The following NRXN1 variants were observed in gnomAD, a reference collection of about 807,000 sequenced individuals.
NRXN1 encodes the protein neurexin 1.
In NRXN1, 39 loss-of-function variants were observed where a neutral mutation model predicts 150.9. That is an observed-to-expected ratio of 0.26 (90% CI 0.20 to 0.34). The LOEUF is 0.34. Among genes scored for constraint, NRXN1 ranks in the 10% least tolerant of loss-of-function variants. The pLI is 1.00. For missense variants in NRXN1, 1,815 were observed against 1,949.9 expected, an observed-to-expected ratio of 0.93 and a Z score of 1.30; for synonymous variants, 924 against 757.0, an observed-to-expected ratio of 1.22 and a Z score of -3.62.
At chr2:50,099,731 A>T (rs1700750096) in intron 18 of NRXN1, among the ~76,000 whole-genome samples, 1 of 152,172 alleles carries the variant, frequency 6.6e-6, no homozygotes, top group Non-Finnish European at 1.5e-5. Context: ...TAATGATTAC[A>T]ACTTGTGAAG....
At position 50,111,343 on chromosome 2, in the gene NRXN1, T is replaced by C. The variant is rs766479368; in HGVS notation, c.3547-19849A>G. Among the ~76,000 whole-genome samples, 8 of 152,142 alleles carry C rather than the reference T, an allele frequency of 5.3e-5. 1 individual carries two copies. Among genetic ancestry groups the C allele is most frequent in the African/African-American group, 9.7e-5 (4 of 41,426 alleles). On this transcript the variant is annotated intron_variant, in intron 18 of 22. Coordinates refer to ENST00000401669, the MANE Select transcript of NRXN1 (RefSeq NM_001330078.2). ...AGCCTATTCATTATTAAAATCCTTT[T>C]GAATTGAAAGTTACTCTCATGCGGC...
chr2:50,925,157 G>T (rs1686671167), intron 3 of NRXN1, among the ~76,000 whole-genome samples: 1 of 151,608 alleles, frequency 6.6e-6, no homozygotes, highest in Non-Finnish European at 1.5e-5. Context: ...GTTATGCCTT[G>T]TTCTTTTTGC....
At chr2:50,591,188 T>C (rs1477646826) in intron 8 of NRXN1, among the ~76,000 whole-genome samples, 1 of 152,114 alleles carries the variant, frequency 6.6e-6, no homozygotes, top group Non-Finnish European at 1.5e-5. Flanking sequence ...CAACATTTTA[T>C]CTGAGCTTGT....
rs957366625 is a variant in NRXN1, at chr2:50,765,266, A to G, written c.833-141651T>C. ...AAACCCTAATTGTTCACTTCAAAAC[A>G]AAAACTACTTAAGCTTCTGGAATGT... On this transcript the variant is annotated intron_variant, in intron 5 of 22. Coordinates refer to ENST00000401669, the MANE Select transcript of NRXN1 (RefSeq NM_001330078.2). Among the ~76,000 whole-genome samples, 10 of 152,030 alleles carry G rather than the reference A, an allele frequency of 6.6e-5. No homozygotes were observed. The East Asian group carries it at 1.4e-3, about 21-fold the overall frequency.
At chr2:49,992,871 C>G (rs1307153650) in intron 21 of NRXN1, among the ~76,000 whole-genome samples, 1 of 152,122 alleles carries the variant, frequency 6.6e-6, no homozygotes, top group Non-Finnish European at 1.5e-5. Context: ...TCATTACACG[C>G]CTATTAGAAT....
intron 17 of NRXN1, among the ~76,000 whole-genome samples, chr2:50,273,490 C>T (rs1292416684): frequency 2.6e-5 from 4 of 152,194 alleles, no homozygotes; most frequent in African/African-American, 7.2e-5. Flanking sequence ...TTTGTGTTTT[C>T]GAGTGCTATT....
intron 5 of NRXN1, among the ~76,000 whole-genome samples, chr2:50,741,802 C>T (rs1007524514): frequency 6.6e-6 from 1 of 152,116 alleles, no homozygotes; most frequent in East Asian, 1.9e-4. Flanking sequence ...TAGTATGGAA[C>T]CCTAACCCTA....
chr2:50,275,528 T>G (rs1322092163), intron 17 of NRXN1, among the ~76,000 whole-genome samples: 1 of 152,152 alleles, frequency 6.6e-6, no homozygotes, highest in Non-Finnish European at 1.5e-5. Context: ...TCATGGGTAG[T>G]TGTCTTCACT....
chr2:50,597,199 C>A (rs45592844), intron 8 of NRXN1, among the ~76,000 whole-genome samples: 8,327 of 152,174 alleles, frequency 0.055, 294 homozygotes, highest in Middle Eastern at 0.12. Flanking sequence ...TGAGGAGGGA[C>A]ATGGCTCTGT....
At chr2:50,687,145 C>G (rs1228135698) in intron 5 of NRXN1, among the ~76,000 whole-genome samples, 1 of 152,000 alleles carries the variant, frequency 6.6e-6, no homozygotes, top group Non-Finnish European at 1.5e-5. Flanking sequence ...CTATTTACAA[C>G]CAAATTATAG....
chr2:50,797,095 C>T (rs1396624671), intron 5 of NRXN1, among the ~76,000 whole-genome samples: 2 of 152,138 alleles, frequency 1.3e-5, no homozygotes, highest in South Asian at 2.1e-4. Context: ...CGAAAGTCCC[C>T]ATCTCTTAAT....
At chr2:50,186,534 G>A (rs1477775238) in intron 18 of NRXN1, among the ~76,000 whole-genome samples, 7 of 152,058 alleles carry the variant, frequency 4.6e-5, no homozygotes, top group African/African-American at 1.7e-4. Flanking sequence ...CCTGGCAGAT[G>A]AGTAGATTCT....
chr2:50,463,267 C>T (rs574886010), intron 17 of NRXN1, among the ~76,000 whole-genome samples: 57 of 151,870 alleles, frequency 3.8e-4, no homozygotes, highest in African/African-American at 1.2e-3. Flanking sequence ...ATTAATTCCA[C>T]GTCTTCAAAG....
chr2:50,648,551 C>G (rs1193961793), intron 5 of NRXN1, among the ~76,000 whole-genome samples: 1 of 151,928 alleles, frequency 6.6e-6, no homozygotes, highest in Non-Finnish European at 1.5e-5. Context: ...CAGAAGTGGT[C>G]AGGACCTCAA....
intron 17 of NRXN1, among the ~76,000 whole-genome samples, chr2:50,297,559 T>G (rs1224053773): frequency 6.6e-6 from 1 of 152,162 alleles, no homozygotes; most frequent in African/African-American, 2.4e-5. Flanking sequence ...CACCCTAAAG[T>G]TAATTCAGCT....
intron 2 of NRXN1, among the ~76,000 whole-genome samples, chr2:50,968,049 A>T (rs1295860509): frequency 1.3e-5 from 2 of 152,064 alleles, no homozygotes; most frequent in African/African-American, 4.8e-5. Context: ...TTAGAAATTT[A>T]TGATTAAAAT....
chr2:50,560,410 G>A (rs1668879272), intron 8 of NRXN1, among the ~76,000 whole-genome samples: 1 of 124,782 alleles, frequency 8.0e-6, no homozygotes, highest in African/African-American at 3.3e-5. Context: ...CCTGTACAAA[G>A]TAGTCTGATG....
Position 50,621,212 on chromosome 2 carries a change from T to C in NRXN1, c.1158+14A>G, listed in dbSNP as rs1235418760. ...AATTAGAATGATATCTACCGAACAATGTAGTTTGTTTACCATAGCGTGTCC... is the reference window on the plus strand; with the variant it reads ...AATTAGAATGATATCTACCGAACAACGTAGTTTGTTTACCATAGCGTGTCC... On this transcript the variant is annotated intron_variant, in intron 7 of 22. Coordinates refer to ENST00000401669, the MANE Select transcript of NRXN1 (RefSeq NM_001330078.2). The C allele has an allele frequency of 1.3e-6, 2 of 1,565,234 alleles. No homozygotes were observed. Among genetic ancestry groups the C allele is most frequent in the Admixed American group, 1.9e-5 (1 of 52,678 alleles).
chr2:50,366,557 C>G (rs193203015), intron 17 of NRXN1, among the ~76,000 whole-genome samples: 1 of 151,966 alleles, frequency 6.6e-6, no homozygotes, highest in African/African-American at 2.4e-5. Context: ...ACTAAAAATA[C>G]TTGCTTTCCA....
Sources: allele counts gnomAD v4.1 joint callset (sites outside exome capture counted in the v4.1 genomes callset), GRCh38; gene constraint gnomAD v4.1.1; transcripts MANE v1.5; gene names NCBI Gene and HGNC (gene_info 2026-07-23, HGNC 2026-07-21).